Variants in AK2 observed in about 807,000 individuals in gnomAD.
AK2 encodes adenylate kinase 2.
A neutral mutation model predicts 24.6 loss-of-function variants in AK2; 15 were observed. The ratio of observed to expected loss-of-function variants is 0.61; its 90% CI spans 0.41 to 0.94. The LOEUF (loss-of-function observed/expected upper bound fraction) is 0.94. AK2 is among the 40% of genes least tolerant of loss of function. The pLI, the probability that AK2 is intolerant of heterozygous loss-of-function variation, is 0.00. For missense variants in AK2, 257 were observed against 304.1 expected, an observed-to-expected ratio of 0.85 and a Z score of 1.15; for synonymous variants, 102 against 114.0, an observed-to-expected ratio of 0.90 and a Z score of 0.67.
intron 1 of AK2, chr1:33,030,965 G>A (rs1188081550): frequency 1.3e-5 from 2 of 152,166 alleles, no homozygotes; most frequent in Non-Finnish European, 2.9e-5. Flanking sequence ...TGTTCACATT[G>A]TAAAATAAAT....
At chr1:33,018,539 G>A (rs1457874902) in intron 4 of AK2, among the ~76,000 whole-genome samples, 1 of 152,152 alleles carries the variant, frequency 6.6e-6, no homozygotes, top group Non-Finnish European at 1.5e-5. Flanking sequence ...GCAGAAAGCA[G>A]GCTTCCAGGG....
chr1:33,032,565 C>A (rs1188262494), intron 1 of AK2: 2 of 152,096 alleles, frequency 1.3e-5, no homozygotes, highest in Non-Finnish European at 2.9e-5. Flanking sequence ...GACCAGGGAA[C>A]AATATAATTA....
At chr1:33,035,599 C>A (rs1197323564) in intron 1 of AK2, among the ~76,000 whole-genome samples, 1 of 152,220 alleles carries the variant, frequency 6.6e-6, no homozygotes, top group African/African-American at 2.4e-5. Context: ...AGACCCCAAG[C>A]AAGAAGGGGA....
Position 33,020,203 on chromosome 1 carries a change from AC to A in AK2, c.425+1163del, listed in dbSNP as rs1639447741. 3.3e-6 allele frequency: 4 copies of A among 1,224,184 alleles called. No individual in the cohort carries two copies. In the South Asian group the frequency reaches 4.1e-5, roughly 12 times the overall value. 75.8% of individuals were successfully genotyped at this position (1,224,184 alleles called of 1,614,324 possible). On this transcript the variant is annotated intron_variant, in intron 4 of 5. Coordinates refer to ENST00000672715, the MANE Select transcript of AK2 (RefSeq NM_001625.4). ...AACATGTTAAAACACACACACACACACACACACACACACACACACACACACA... is the reference window on the plus strand; with the variant it reads ...AACATGTTAAAACACACACACACACAACACACACACACACACACACACACA...
chr1:33,032,913 C>G (rs961855642), intron 1 of AK2, among the ~76,000 whole-genome samples: 3 of 152,058 alleles, frequency 2.0e-5, no homozygotes, highest in Non-Finnish European at 4.4e-5. Context: ...GCTATAATCC[C>G]AACACTTTGG....
rs1412543940 is a variant in AK2 at position 33,011,407 on chromosome 1, A to C, written c.*1774T>G. The C allele has an allele frequency of 7.8e-7, 1 of 1,287,254 alleles. No individual in the cohort carries two copies. The highest frequency in any genetic ancestry group is 1.5e-5 in the African/African-American group (1 of 65,758). 79.7% of individuals were successfully genotyped at this position (1,287,254 alleles called of 1,614,324 possible). On this transcript the variant is annotated 3_prime_UTR_variant, in exon 6 of 6. Transcript: ENST00000672715. Reference sequence around the variant, plus strand: ...TTAAGAGTGGGTGGAGTTGGTTTAGAGCCAGGAAAACAAGGCAGGACAGAG... The same window carrying C: ...TTAAGAGTGGGTGGAGTTGGTTTAGCGCCAGGAAAACAAGGCAGGACAGAG...
At chr1:33,016,461 TCA>T (rs1294159061) in intron 4 of AK2, among the ~76,000 whole-genome samples, 1 of 152,102 alleles carries the variant, frequency 6.6e-6, no homozygotes. Flanking sequence ...TCCACCTGCC[TCA>T]GCCTTCCGAA....
chr1:33,016,153 C>T (rs1639172088), intron 4 of AK2, among the ~76,000 whole-genome samples: 1 of 152,082 alleles, frequency 6.6e-6, no homozygotes, highest in Non-Finnish European at 1.5e-5. Context: ...TGCTCAAGTC[C>T]CTGATATAAA....
chr1:33,015,334 T>C (rs1057032338), intron 4 of AK2, among the ~76,000 whole-genome samples: 5 of 152,174 alleles, frequency 3.3e-5, no homozygotes, highest in African/African-American at 4.8e-5. Flanking sequence ...ACTGAATGTA[T>C]AGTGGGCAGC....
In AK2 at chr1:33,014,385, T is replaced by C. The variant is rs144483414; in HGVS notation, c.498+137A>G. On this transcript the variant is annotated intron_variant, in intron 5 of 5. Transcript: ENST00000672715. ...TCTGACACAGGCCATGTGATTTACT[T>C]GATAGTGTTATTTTTCATGACTAAG... 2,050 of 712,250 alleles carry C rather than the reference T, an allele frequency of 2.9e-3. 29 individuals carry two copies. The African/African-American group carries it at 0.033, about 11-fold the overall frequency. 44.1% of individuals were successfully genotyped at this position (712,250 alleles called of 1,614,324 possible).
chr1:33,011,138 T>C lies in AK2; in HGVS notation c.*2043A>G, dbSNP rs1638795471. On this transcript the variant is annotated 3_prime_UTR_variant, in exon 6 of 6. Coordinates refer to ENST00000672715, the MANE Select transcript of AK2 (RefSeq NM_001625.4). ...AATCTATGTGGACGGATGACAAATA[T>C]TTGGGCAAGGATCATGCACATAAAA... is the stretch of plus-strand genomic sequence containing the variant. 22 of 1,388,164 alleles carry C rather than the reference T, an allele frequency of 1.6e-5. No individual in the cohort carries two copies. In the East Asian group the frequency reaches 5.8e-4, roughly 37 times the overall value. The allele number at this position is 1,388,164 out of a possible 1,614,324, so 86.0% of individuals were successfully genotyped here. A position where few individuals can be genotyped will look rare whatever the true frequency, so the allele number is the denominator to read the frequency against.
At position 33,010,253 on chromosome 1, in the gene AK2, C is replaced by A; in HGVS notation, c.*2928G>T. The A allele has an allele frequency of 4.4e-6, 2 of 454,636 alleles. No homozygotes were observed. Among genetic ancestry groups the A allele is most frequent in the South Asian group, 3.1e-5 (2 of 64,494 alleles). 28.2% of individuals were successfully genotyped at this position (454,636 alleles called of 1,614,324 possible). ...AGGGAATCAGCCTCCCTTTCCATTT[C>A]ATTCCCTTCCCCCTCCCCTTGATTC... On this transcript the variant is annotated 3_prime_UTR_variant, in exon 6 of 6. Transcript: ENST00000672715.
rs143008602 is a variant in AK2 at position 33,027,888 on chromosome 1, A to G, written c.94-3321T>C. 1.7e-3 allele frequency among the ~76,000 whole-genome samples: 264 copies of G among 152,314 alleles called. 6 individuals are homozygous for G. In the East Asian group the frequency reaches 0.046, roughly 27 times the overall value. ...ACAGATTTACACTTGATTCCTAGCT[A>G]AGGCACTCAGTAGCCGTGTGATCTT... On this transcript the variant is annotated intron_variant, in intron 1 of 5. Coordinates refer to ENST00000672715, the MANE Select transcript of AK2 (RefSeq NM_001625.4).
chr1:33,009,680 G>T lies in AK2; in HGVS notation c.*3501C>A. On this transcript the variant is annotated 3_prime_UTR_variant, in exon 6 of 6. Transcript: ENST00000672715. Reference sequence around the variant, plus strand: ...GGCTGGGATTTGTCCTAGGTCCCCTGAACTCCAAGCACAGTGCTATCTCCA... The same window carrying T: ...GGCTGGGATTTGTCCTAGGTCCCCTTAACTCCAAGCACAGTGCTATCTCCA... The T allele has an allele frequency of 2.2e-6, 1 of 454,106 alleles. No homozygotes were observed. The allele number at this position is 454,106 out of a possible 1,614,324, so 28.1% of individuals were successfully genotyped here. A position where few individuals can be genotyped will look rare whatever the true frequency, so the allele number is the denominator to read the frequency against.
chr1:33,021,069 C>G (rs187628062), intron 4 of AK2, among the ~76,000 whole-genome samples: 10 of 151,810 alleles, frequency 6.6e-5, no homozygotes, highest in Admixed American at 3.9e-4. Context: ...CTGCTTGAAC[C>G]CAGGAAGTGG....
chr1:33,011,781 G>A lies in AK2; in HGVS notation c.*1400C>T. The A allele has an allele frequency of 6.9e-7, 1 of 1,445,724 alleles. No homozygotes were observed. Among genetic ancestry groups the A allele is most frequent in the Non-Finnish European group, 9.2e-7 (1 of 1,091,282 alleles). The allele number at this position is 1,445,724 out of a possible 1,614,324, so 89.6% of individuals were successfully genotyped here. On this transcript the variant is annotated 3_prime_UTR_variant, in exon 6 of 6. Coordinates refer to ENST00000672715, the MANE Select transcript of AK2 (RefSeq NM_001625.4). ...TTAGAAAATGCTCAATAGTTGGGAA[G>A]CTAAGGTTATGAATAAAAGCTGGTA... is the stretch of plus-strand genomic sequence containing the variant.
chr1:33,011,070 T>C lies in AK2; in HGVS notation c.*2111A>G, dbSNP rs1173772970. The C allele has an allele frequency of 8.1e-6, 8 of 985,304 alleles. No homozygotes were observed. In the African/African-American group the frequency reaches 8.7e-5, roughly 11 times the overall value. 61.0% of individuals were successfully genotyped at this position (985,304 alleles called of 1,614,324 possible). A position where few individuals can be genotyped will look rare whatever the true frequency, so the allele number is the denominator to read the frequency against. The stretch of plus-strand genomic sequence containing the variant: ...TTCCCTATGAATCTTCCAGTTCTTA[T>C]GGGCAGCCCAAATATTACTTGTACA... On this transcript the variant is annotated 3_prime_UTR_variant, in exon 6 of 6. Transcript: ENST00000672715.
At chr1:33,029,786 C>T (rs2124372918) in intron 1 of AK2, among the ~76,000 whole-genome samples, 1 of 152,292 alleles carries the variant, frequency 6.6e-6, no homozygotes, top group South Asian at 2.1e-4. Flanking sequence ...CCAAGCAATC[C>T]TCCCACCACA....
At chr1:33,020,172 G>A in intron 4 of AK2, 5 of 1,478,806 alleles carry the variant, frequency 3.4e-6, no homozygotes, top group Non-Finnish European at 4.5e-6. Flanking sequence ...CTATTACAGA[G>A]AAACAAACAT....
Sources: gnomAD v4.1 joint callset for allele counts (sites outside exome capture counted in the v4.1 genomes callset) on GRCh38, gnomAD v4.1.1 for gene constraint, MANE v1.5 for transcripts, NCBI Gene and HGNC (gene_info 2026-07-23, HGNC 2026-07-21) for gene names.